Variants in FER observed in about 807,000 individuals in gnomAD.
The protein encoded by FER is tyrosine-protein kinase Fer.
FER carries 63 observed loss-of-function variants against 111.0 expected under a neutral mutation model. The observed-to-expected ratio is 0.57, with a 90% CI of 0.46 to 0.70. The LOEUF is 0.70. Ranked by LOEUF, FER falls within the 30% of genes least tolerant of loss-of-function variation. The pLI is 0.00. For synonymous variants in FER, 327 were observed against 313.9 expected, an observed-to-expected ratio of 1.04 and a Z score of -0.44; for missense variants, 914 against 954.0, an observed-to-expected ratio of 0.96 and a Z score of 0.55.
chr5:108,943,533 A>G (rs1023988566), intron 10 of FER, among the ~76,000 whole-genome samples: 2 of 152,102 alleles, frequency 1.3e-5, no homozygotes, highest in Non-Finnish European at 2.9e-5. Context: ...AGCCACTCCA[A>G]TCAGCAGAAC....
At chr5:109,041,402 G>A (rs1248848679) in intron 14 of FER, among the ~76,000 whole-genome samples, 2 of 151,874 alleles carry the variant, frequency 1.3e-5, no homozygotes. Context: ...TGATAGAACC[G>A]AAAGATTGGC....
intron 2 of FER, among the ~76,000 whole-genome samples, chr5:108,775,995 T>C (rs1408479254): frequency 6.6e-6 from 1 of 152,244 alleles, no homozygotes; most frequent in African/African-American, 2.4e-5. Context: ...ACTCTATTTG[T>C]GACTTCTAAC....
intron 17 of FER, among the ~76,000 whole-genome samples, chr5:109,118,160 C>A (rs1469323574): frequency 1.3e-5 from 2 of 151,190 alleles, no homozygotes; most frequent in Admixed American, 1.3e-4. Flanking sequence ...ATAGATAGCT[C>A]TTATTTTGAG....
At chr5:109,109,617 C>G (rs1055792928) in intron 17 of FER, among the ~76,000 whole-genome samples, 1 of 152,108 alleles carries the variant, frequency 6.6e-6, no homozygotes, top group Non-Finnish European at 1.5e-5. Context: ...AAAGGAGTAT[C>G]TGAAGGCTTT....
chr5:108,865,683 T>A (rs1580945892), intron 5 of FER, among the ~76,000 whole-genome samples: 1 of 152,018 alleles, frequency 6.6e-6, no homozygotes, highest in African/African-American at 2.4e-5. Flanking sequence ...TGCAATCTAC[T>A]CATCTGACAA....
In FER at chr5:109,194,066, C is replaced by T. The variant is rs1331543400; in HGVS notation, c.*6491C>T. On this transcript the variant is annotated 3_prime_UTR_variant, in exon 20 of 20. Transcript: ENST00000281092. ...GAGTAGAGGTATCCTGGGAGGTATC[C>T]TGGGAGGCAGCCTATTGACTTGACC... The T allele has an allele frequency of 6.6e-6, 1 of 152,194 alleles. No individual in the cohort carries two copies. The highest frequency in any genetic ancestry group is 1.5e-5 in the Non-Finnish European group (1 of 68,030). The allele number at this position is 152,194 out of a possible 1,614,324, so 9.4% of individuals were successfully genotyped here. A position where few individuals can be genotyped will look rare whatever the true frequency, so the allele number is the denominator to read the frequency against.
intron 17 of FER, among the ~76,000 whole-genome samples, chr5:109,138,993 A>C (rs1753209568): frequency 6.6e-6 from 1 of 152,214 alleles, no homozygotes; most frequent in African/African-American, 2.4e-5. Context: ...CATAGGGCAC[A>C]GGGTTAAGAG....
At chr5:108,993,634 TGAGGGCGAGGGCGAGGGCGAGGGC>T (rs772264858) in intron 13 of FER, among the ~76,000 whole-genome samples, 5 of 105,248 alleles carry the variant, frequency 4.8e-5, no homozygotes, top group South Asian at 2.9e-4. Flanking sequence ...AGGGCGAGGG[TGAGGGCGAGGGCGAGGGCGAGGGC>T]GAGGGTGAGG....
intron 14 of FER, among the ~76,000 whole-genome samples, chr5:109,043,075 T>G (rs1771412506): frequency 6.6e-6 from 1 of 152,172 alleles, no homozygotes; most frequent in Non-Finnish European, 1.5e-5. Flanking sequence ...CTTTCTGAGA[T>G]GCAAGGAATA....
Position 109,111,481 on chromosome 5 carries a change from G to C in FER, c.2048+10962G>C, listed in dbSNP as rs562506199. ...TGGTGCAAAAGTAATTGCAGTTTTT[G>C]CCATTGGAAATAATGGCAAAAATCA... On this transcript the variant is annotated intron_variant, in intron 17 of 19. Transcript: ENST00000281092. 1.6e-4 allele frequency among the ~76,000 whole-genome samples: 24 copies of C among 152,156 alleles called. No homozygotes were observed. The South Asian group carries it at 4.6e-3, about 29-fold the overall frequency.
At chr5:108,868,893 T>G (rs1347020235) in intron 6 of FER, among the ~76,000 whole-genome samples, 1 of 152,164 alleles carries the variant, frequency 6.6e-6, no homozygotes, top group East Asian at 1.9e-4. Flanking sequence ...ATATGAAAAA[T>G]TATTATGAGC....
At chr5:109,178,016 A>C (rs1757892260) in intron 17 of FER, among the ~76,000 whole-genome samples, 1 of 152,244 alleles carries the variant, frequency 6.6e-6, no homozygotes, top group Non-Finnish European at 1.5e-5. Context: ...GGGCAATAGT[A>C]GGCTTAATAA....
chr5:109,030,763 G>A (rs963847525), intron 13 of FER, among the ~76,000 whole-genome samples: 8 of 152,246 alleles, frequency 5.3e-5, no homozygotes, highest in East Asian at 1.9e-4. Context: ...TCTTTCTCCC[G>A]TTAGGCACAC....
intron 13 of FER, among the ~76,000 whole-genome samples, chr5:109,021,673 T>A (rs1215104931): frequency 6.6e-6 from 1 of 152,082 alleles, no homozygotes; most frequent in East Asian, 1.9e-4. Context: ...CCCATCTCAT[T>A]ACTATAAAGT....
intron 3 of FER, among the ~76,000 whole-genome samples, chr5:108,813,225 G>T (rs73780582): frequency 0.022 from 3,276 of 152,202 alleles, 117 homozygotes; most frequent in African/African-American, 0.075. Context: ...ATATTTTAAA[G>T]ATGTTGCTGT....
intron 2 of FER, among the ~76,000 whole-genome samples, chr5:108,789,572 T>C (rs1228462623): frequency 6.6e-6 from 1 of 152,042 alleles, no homozygotes; most frequent in Non-Finnish European, 1.5e-5. Context: ...CCAGGAGATA[T>C]CTGAAATATC....
At chr5:108,982,563 G>C (rs1042784868) in intron 13 of FER, among the ~76,000 whole-genome samples, 1 of 151,982 alleles carries the variant, frequency 6.6e-6, no homozygotes, top group Admixed American at 6.6e-5. Flanking sequence ...CAAAAGAAAG[G>C]TATCCGAAAT....
chr5:109,029,425 CTTT>C (rs757282669), intron 13 of FER, among the ~76,000 whole-genome samples: 2,192 of 52,256 alleles, frequency 0.042, 32 homozygotes, highest in Middle Eastern at 0.11. Context: ...ATTCATTGTT[CTTT>C]TTTTTTTTTT....
intron 1 of FER, among the ~76,000 whole-genome samples, chr5:108,755,761 C>G (rs1751028202): frequency 6.6e-6 from 1 of 150,652 alleles, no homozygotes; most frequent in South Asian, 2.1e-4. Flanking sequence ...GCTGGGATTA[C>G]AGGCATGAGC....
Sources: allele counts gnomAD v4.1 joint callset (sites outside exome capture counted in the v4.1 genomes callset), GRCh38; gene constraint gnomAD v4.1.1; transcripts MANE v1.5; gene names NCBI Gene and HGNC (gene_info 2026-07-23, HGNC 2026-07-21).